Variants in CHD6 observed in about 807,000 individuals in gnomAD.
CHD6 encodes chromodomain helicase DNA binding protein 6, also known as ATP-dependent chromatin remodeler CHD6.
Under a neutral mutation model 276.9 loss-of-function variants are expected in CHD6, and 50 were observed. The ratio of observed to expected loss-of-function variants is 0.18; its 90% CI spans 0.14 to 0.23. The LOEUF (loss-of-function observed/expected upper bound fraction) is 0.23, where lower values mean the gene tolerates loss of function less well. CHD6 is among the 10% of genes least tolerant of loss of function. CHD6 has a pLI of 1.00. For synonymous variants in CHD6, 1,173 were observed against 1,229.3 expected, an observed-to-expected ratio of 0.95 and a Z score of 0.96; for missense variants, 2,564 against 3,365.8, an observed-to-expected ratio of 0.76 and a Z score of 5.89.
At chr20:41,445,024 T>C (rs1284056320) in intron 25 of CHD6, among the ~76,000 whole-genome samples, 1 of 152,212 alleles carries the variant, frequency 6.6e-6, no homozygotes, top group Non-Finnish European at 1.5e-5. Context: ...ACTTTCATCA[T>C]TCATTTTAAT....
chr20:41,408,935 G>A (rs1027884416), intron 36 of CHD6, among the ~76,000 whole-genome samples: 1 of 152,204 alleles, frequency 6.6e-6, no homozygotes, highest in Non-Finnish European at 1.5e-5. Context: ...CTTGGCCCTG[G>A]CCCAGTAAGT....
At chr20:41,541,033 A>G (rs757590172) in intron 2 of CHD6, among the ~76,000 whole-genome samples, 3 of 124,126 alleles carry the variant, frequency 2.4e-5, no homozygotes, top group East Asian at 2.1e-4. Context: ...CTAAATGTAG[A>G]AAAAAAAAAA....
At chr20:41,427,977 C>T (rs970791756) in intron 27 of CHD6, among the ~76,000 whole-genome samples, 3 of 152,204 alleles carry the variant, frequency 2.0e-5, no homozygotes, top group Admixed American at 2.0e-4. Context: ...TGGCAGGCCC[C>T]AGAGCTACCA....
chr20:41,527,436 C>G (rs1315775386), intron 3 of CHD6, among the ~76,000 whole-genome samples: 1 of 151,778 alleles, frequency 6.6e-6, no homozygotes, highest in Non-Finnish European at 1.5e-5. Flanking sequence ...AAAAAAGAAG[C>G]AACCTTCAGC....
At chr20:41,470,388 T>C (rs1411562869) in intron 17 of CHD6, among the ~76,000 whole-genome samples, 2 of 152,146 alleles carry the variant, frequency 1.3e-5, no homozygotes, top group Non-Finnish European at 2.9e-5. Context: ...TTCCGAGTTG[T>C]ACACATGTTC....
At chr20:41,449,865 T>C (rs772207227) in intron 23 of CHD6, among the ~76,000 whole-genome samples, 1 of 152,224 alleles carries the variant, frequency 6.6e-6, no homozygotes, top group Non-Finnish European at 1.5e-5. Context: ...CCATCCCCAG[T>C]GGATAACCAT....
chr20:41,445,722 C>T lies in CHD6; in HGVS notation c.3820G>A (p.Val1274Met). The part of the protein sequence containing the change: ...LPDIDYMEIP[V>M]DWWDAEADKS... ...TCGGCTTCAGCATCCCACCAGTCCA[C>T]TGGGATCTCCATGTAGTCGATGTCA... Residue 1274 changes from valine to methionine, a missense_variant, in exon 25 of 37, where the codon GTG becomes ATG. By Grantham distance (21) the Val-to-Met change is conservative. This residue lies in a region of CHD6 where 515 missense variants were observed against 739.5 expected (regional missense o/e 0.70). Transcript: ENST00000373233. 6.2e-7 allele frequency: 1 copy of T among 1,613,914 alleles called. No individual in the cohort carries two copies. Among genetic ancestry groups the T allele is most frequent in the East Asian group, 2.2e-5 (1 of 44,874 alleles).
chr20:41,487,268 T>C (rs904403333), intron 14 of CHD6, among the ~76,000 whole-genome samples: 1 of 152,202 alleles, frequency 6.6e-6, no homozygotes, highest in Non-Finnish European at 1.5e-5. Context: ...TGCAAGAAGA[T>C]GGGCCTGGGA....
Position 41,420,684 on chromosome 20 carries a change from A to T in CHD6, c.5951T>A (p.Ile1984Asn). Residue 1984 changes from isoleucine to asparagine, a missense_variant, in exon 31 of 37, where the codon ATT becomes AAT. Ile to Asn is a moderately radical substitution (Grantham distance 149, BLOSUM62 -3). Around this residue, in one of 7 missense-constraint regions of CHD6, gnomAD observed 1,024 missense variants for 1,047.9 expected, o/e 0.98. Coordinates refer to ENST00000373233, the MANE Select transcript of CHD6 (RefSeq NM_032221.5). ...CTTCACTTTAAACGGCTGTGATGGA[A>T]TAGCAGTGGGTTCACCCTCCATGGC... Reference protein sequence around the residue: ...TIAMEGEPTAIPSQPFKVKHE... With the variant: ...TIAMEGEPTANPSQPFKVKHE... 6.2e-7 allele frequency: 1 copy of T among 1,614,238 alleles called. No individual in the cohort carries two copies. The highest frequency in any genetic ancestry group is 2.2e-5 in the East Asian group (1 of 44,892).
chr20:41,558,573 G>A (rs1373018972), intron 1 of CHD6, among the ~76,000 whole-genome samples: 1 of 152,152 alleles, frequency 6.6e-6, no homozygotes, highest in South Asian at 2.1e-4. Context: ...AAGAAAAAGG[G>A]TGCCAAGTTT....
intron 2 of CHD6, among the ~76,000 whole-genome samples, chr20:41,542,507 A>G (rs1020144599): frequency 4.6e-5 from 7 of 151,890 alleles, no homozygotes; most frequent in African/African-American, 1.7e-4. Context: ...CCTGGCTAAC[A>G]TGGTAAAACC....
At chr20:41,461,536 C>T (rs2048547981) in intron 17 of CHD6, among the ~76,000 whole-genome samples, 1 of 152,168 alleles carries the variant, frequency 6.6e-6, no homozygotes, top group African/African-American at 2.4e-5. Context: ...TTGCTTCTTC[C>T]TCATTTTCTC....
chr20:41,617,871 G>GGGC (rs997721603), intron 1 of CHD6, among the ~76,000 whole-genome samples: 4 of 150,544 alleles, frequency 2.7e-5, no homozygotes, highest in African/African-American at 9.7e-5. Flanking sequence ...TTCTCCGCGG[G>GGGC]GGCGGCGGCG....
At chr20:41,552,665 T>C (rs928339532) in intron 1 of CHD6, among the ~76,000 whole-genome samples, 2 of 152,214 alleles carry the variant, frequency 1.3e-5, no homozygotes, top group African/African-American at 2.4e-5. Context: ...TTACAGTTTA[T>C]CATTTTAATG....
chr20:41,497,284 A>C, intron 8 of CHD6, 100 bp downstream of exon 8: 1 of 798,618 alleles, frequency 1.3e-6, no homozygotes, highest in Non-Finnish European at 2.2e-6. Context: ...CTTGAGCAAC[A>C]GATCTGTATA....
chr20:41,512,722 G>A (rs1431795253), intron 5 of CHD6, 124 bp downstream of exon 5: 6 of 1,102,456 alleles, frequency 5.4e-6, no homozygotes, highest in Non-Finnish European at 8.0e-6. Context: ...GAAGTCAATC[G>A]AAGGCCACAA....
At position 41,613,112 on chromosome 20, in the gene CHD6, C is replaced by CTA. The variant is rs144203982; in HGVS notation, c.-24+5226_-24+5227dup. Among the ~76,000 whole-genome samples, 129 of 152,074 alleles carry CTA rather than the reference C, an allele frequency of 8.5e-4. 1 individual carries two copies. The East Asian group carries it at 0.023, about 27-fold the overall frequency. The stretch of plus-strand genomic sequence containing the variant: ...TGTTCTCTGTAAAATTTTTAGCAGT[C>CTA]TAAAAATAAGCTTTTATGTTCAACT... On this transcript the variant is annotated intron_variant, in intron 1 of 36. Coordinates refer to ENST00000373233, the MANE Select transcript of CHD6 (RefSeq NM_032221.5).
chr20:41,511,817 T>C (rs1161260493), intron 5 of CHD6, among the ~76,000 whole-genome samples: 3 of 152,168 alleles, frequency 2.0e-5, no homozygotes, highest in African/African-American at 4.8e-5. Flanking sequence ...ATCTGACCAC[T>C]CCTTTCCTGT....
At chr20:41,558,484 G>T (rs1319500908) in intron 1 of CHD6, among the ~76,000 whole-genome samples, 1 of 152,196 alleles carries the variant, frequency 6.6e-6, no homozygotes, top group Non-Finnish European at 1.5e-5. Context: ...TGACGAAGAA[G>T]ATGTTTTAAT....
Sources: gnomAD v4.1 joint callset for allele counts (sites outside exome capture counted in the v4.1 genomes callset) on GRCh38, gnomAD v4.1.1 for gene constraint, gnomAD v4.1.1 regional missense constraint, MANE v1.5 for transcripts, NCBI Gene and HGNC (gene_info 2026-07-23, HGNC 2026-07-21) for gene names.